The following FBXO42 variants were observed in gnomAD, a reference collection of about 807,000 sequenced individuals.
FBXO42 encodes the protein F-box protein 42, also known as F-box only protein 42.
A neutral mutation model predicts 71.7 loss-of-function variants in FBXO42; 12 were observed. That is an observed-to-expected ratio of 0.17 (90% CI 0.11 to 0.27). The LOEUF (loss-of-function observed/expected upper bound fraction) is 0.27. Among genes scored for constraint, FBXO42 ranks in the 10% least tolerant of loss-of-function variants. The pLI is 1.00. For missense variants in FBXO42, 707 were observed against 911.9 expected (o/e 0.78, Z 2.89); for synonymous variants, 325 against 327.5 (o/e 0.99, Z 0.08).
intron 4 of FBXO42, among the ~76,000 whole-genome samples, chr1:16,267,201 AAATATTTCCAACTT>A (rs1260367563): frequency 2.0e-5 from 3 of 152,224 alleles, no homozygotes; most frequent in Non-Finnish European, 4.4e-5. Flanking sequence ...CTGGTAATAA[AAATATTTCCAACTT>A]AACATCAATG....
At chr1:16,281,474 T>G (rs11260715) in intron 4 of FBXO42, among the ~76,000 whole-genome samples, 43,542 of 136,184 alleles carry the variant, frequency 0.32, 6,869 homozygotes, top group Non-Finnish European at 0.37. Flanking sequence ...CTTTTTTTGT[T>G]TTTTTTTTTT....
intron 1 of FBXO42, among the ~76,000 whole-genome samples, chr1:16,320,360 C>CAAAAAAA (rs35441053): frequency 2.6e-5 from 3 of 113,452 alleles, no homozygotes; most frequent in Admixed American, 1.0e-4. Context: ...AACTCCATGT[C>CAAAAAAA]AAAAAAAAAA....
At chr1:16,287,773 A>C (rs774764935) in intron 4 of FBXO42, among the ~76,000 whole-genome samples, 1 of 151,896 alleles carries the variant, frequency 6.6e-6, no homozygotes, top group African/African-American at 2.4e-5. Context: ...AAGGGAAGTC[A>C]GGCCCTTTGT....
At chr1:16,333,009 GTC>G (rs1482305431) in intron 1 of FBXO42, among the ~76,000 whole-genome samples, 1 of 151,986 alleles carries the variant, frequency 6.6e-6, no homozygotes, top group Admixed American at 6.6e-5. Flanking sequence ...CTCATTTCTA[GTC>G]TCTGCTCTTG....
rs1434074493 is a variant in FBXO42 at position 16,342,521 on chromosome 1, T to C, written c.-18+9734A>G. ...CACCTGAGCCTGGGGAGGTCAATGC[T>C]GGAGTAAACCGTGATCGCCCACTGC... On this transcript the variant is annotated intron_variant, in intron 1 of 9. Transcript: ENST00000375592. Among the ~76,000 whole-genome samples, 7 of 146,364 alleles carry C rather than the reference T, an allele frequency of 4.8e-5. No homozygotes were observed. The Admixed American group carries it at 4.9e-4, about 10-fold the overall frequency.
rs752694573 is a variant in FBXO42, at chr1:16,252,447, C to T, written c.922-43G>A. 5.6e-6 allele frequency: 8 copies of T among 1,429,132 alleles called. No individual in the cohort carries two copies. The highest frequency in any genetic ancestry group is 7.9e-6 in the Non-Finnish European group (8 of 1,014,720). 88.5% of individuals were successfully genotyped at this position (1,429,132 alleles called of 1,614,324 possible). A position where few individuals can be genotyped will look rare whatever the true frequency, so the allele number is the denominator to read the frequency against. On this transcript the variant is annotated intron_variant, in intron 8 of 9. Transcript: ENST00000375592. This position sits in a 1 kb window ranked among gnomAD's most constrained non-coding sequence, Gnocchi z 4.4. ...AATAACAAGACTCAGGTGTGATATG[C>T]GTTCCAAAACACACACACACAGAGT...
At chr1:16,311,525 T>TATAC (rs2082313797) in intron 2 of FBXO42, among the ~76,000 whole-genome samples, 1 of 143,392 alleles carries the variant, frequency 7.0e-6, no homozygotes, top group African/African-American at 2.6e-5. Flanking sequence ...TATATATATA[T>TATAC]ATACATATGT....
chr1:16,275,919 T>C (rs954075732), intron 4 of FBXO42, among the ~76,000 whole-genome samples: 10 of 151,930 alleles, frequency 6.6e-5, no homozygotes, highest in African/African-American at 1.2e-4. Flanking sequence ...GGGAGGAGAA[T>C]TGTTGCCAAG....
chr1:16,303,927 A>G (rs541397757), intron 3 of FBXO42, among the ~76,000 whole-genome samples: 1 of 151,162 alleles, frequency 6.6e-6, no homozygotes, highest in Non-Finnish European at 1.5e-5. Context: ...TTATATATAT[A>G]TTTTTTTAAG....
At chr1:16,302,620 C>T (rs1262265123) in intron 3 of FBXO42, among the ~76,000 whole-genome samples, 1 of 152,190 alleles carries the variant, frequency 6.6e-6, no homozygotes, top group African/African-American at 2.4e-5. Context: ...AGCAACTCTC[C>T]TGCCTCAGCC....
At chr1:16,329,195 G>A (rs186161082) in intron 1 of FBXO42, among the ~76,000 whole-genome samples, 42 of 150,752 alleles carry the variant, frequency 2.8e-4, no homozygotes, top group African/African-American at 1.0e-3. Context: ...AAATTGATGG[G>A]ATTGTGTAAA....
chr1:16,348,632 T>A lies in FBXO42; in HGVS notation c.-18+3623A>T, dbSNP rs557368. Among the ~76,000 whole-genome samples the A allele has an allele frequency of 1.1e-3, 172 of 151,868 alleles. 1 individual carries two copies. The highest frequency in any genetic ancestry group is 4.1e-3 in the African/African-American group (171 of 41,380). ...AGGAGAATCGCTGGAACCCGGGAGG[T>A]AGAGGTTACAGTGAGCAGAGATTGC... On this transcript the variant is annotated intron_variant, in intron 1 of 9. Coordinates refer to ENST00000375592, the MANE Select transcript of FBXO42 (RefSeq NM_018994.3).
chr1:16,333,249 TA>T (rs1218656796), intron 1 of FBXO42, among the ~76,000 whole-genome samples: 2 of 152,196 alleles, frequency 1.3e-5, no homozygotes, highest in African/African-American at 4.8e-5. Flanking sequence ...AGATAAATAC[TA>T]GAGATAGTTT....
rs2082351982 is a variant in FBXO42, at chr1:16,315,176, A to G, written c.243T>C (p.Leu81=). 2 of 1,608,760 alleles carry G rather than the reference A, an allele frequency of 1.2e-6. No individual in the cohort carries two copies. Among genetic ancestry groups the G allele is most frequent in the African/African-American group, 1.3e-5 (1 of 74,962 alleles). Residue 81 remains leucine, a synonymous_variant, in exon 2 of 10, where the codon CTT becomes CTC. Transcript: ENST00000375592. ...AALVCKQWYR[L]IKGVAHQCYH... ...TTCTCCTATCCACAGTACCTTTGAT[A>G]AGTCGATACCACTGTTTGCAGACAA... is the stretch of plus-strand genomic sequence containing the variant.
intron 4 of FBXO42, among the ~76,000 whole-genome samples, chr1:16,276,348 C>G (rs1181160996): frequency 6.7e-6 from 1 of 149,640 alleles, no homozygotes; most frequent in Non-Finnish European, 1.5e-5. Context: ...CCACTGCACA[C>G]CAGCCCGGGC....
At chr1:16,274,597 T>TTG (rs1553150602) in intron 4 of FBXO42, among the ~76,000 whole-genome samples, 1 of 113,078 alleles carries the variant, frequency 8.8e-6, no homozygotes, top group East Asian at 3.2e-4. Flanking sequence ...CGTTTTTTTT[T>TTG]TTTTTTTTTT....
intron 1 of FBXO42, among the ~76,000 whole-genome samples, chr1:16,351,306 T>C (rs2082700709): frequency 6.6e-6 from 1 of 152,166 alleles, no homozygotes; most frequent in Non-Finnish European, 1.5e-5. Flanking sequence ...CCAATTAGCA[T>C]TTAAACAGCA....
intron 4 of FBXO42, among the ~76,000 whole-genome samples, chr1:16,291,125 T>C (rs1180741593): frequency 6.6e-6 from 1 of 152,206 alleles, no homozygotes; most frequent in South Asian, 2.1e-4. Context: ...GTACATACTC[T>C]GTTAGAAGAC....
intron 4 of FBXO42, among the ~76,000 whole-genome samples, chr1:16,267,103 C>G (rs78078741): frequency 6.6e-6 from 1 of 152,108 alleles, no homozygotes; most frequent in Non-Finnish European, 1.5e-5. Flanking sequence ...CCATAAACAC[C>G]TTGAAGACAA....
Sources: gnomAD v4.1 joint callset for allele counts (sites outside exome capture counted in the v4.1 genomes callset) on GRCh38, gnomAD v4.1.1 for gene constraint, Gnocchi (gnomAD v3.1) non-coding constraint, MANE v1.5 for transcripts, NCBI Gene and HGNC (gene_info 2026-07-23, HGNC 2026-07-21) for gene names.